SLC13A3: variants seen among roughly 807,000 people sequenced by gnomAD.
The protein encoded by SLC13A3 is Na(+)/dicarboxylate cotransporter 3.
SLC13A3 carries 40 observed loss-of-function variants against 59.0 expected under a neutral mutation model. The observed-to-expected ratio is 0.68, with a 90% CI of 0.53 to 0.88. SLC13A3 has a LOEUF of 0.88. Ranked by LOEUF, SLC13A3 falls within the 40% of genes least tolerant of loss-of-function variation. SLC13A3 has a pLI of 0.00. For missense variants in SLC13A3, 699 were observed against 783.2 expected, an observed-to-expected ratio of 0.89 and a Z score of 1.28; for synonymous variants, 317 against 330.3, an observed-to-expected ratio of 0.96 and a Z score of 0.44.
At chr20:46,593,338 T>C (rs936507184) in intron 5 of SLC13A3, among the ~76,000 whole-genome samples, 1 of 151,972 alleles carries the variant, frequency 6.6e-6, no homozygotes, top group Non-Finnish European at 1.5e-5. Flanking sequence ...CAACCAGAAA[T>C]GTGGTCAGGA....
intron 1 of SLC13A3, among the ~76,000 whole-genome samples, chr20:46,676,388 C>T (rs2063125561): frequency 6.7e-6 from 1 of 149,902 alleles, no homozygotes; most frequent in South Asian, 2.2e-4. Context: ...GCCCCTTCAC[C>T]AAGGGCAGCC....
intron 1 of SLC13A3, among the ~76,000 whole-genome samples, chr20:46,637,176 G>A (rs1296009636): frequency 6.6e-6 from 1 of 152,130 alleles, no homozygotes; most frequent in Non-Finnish European, 1.5e-5. Flanking sequence ...AGGCATCCTG[G>A]GAGGGGGCGC....
upstream of SLC13A3, among the ~76,000 whole-genome samples, chr20:46,656,056 TA>T (rs1306670905): frequency 7.0e-6 from 1 of 143,766 alleles, no homozygotes; most frequent in Non-Finnish European, 1.5e-5. Context: ...TATATACATA[TA>T]CTACAGTATA....
intron 9 of SLC13A3, among the ~76,000 whole-genome samples, chr20:46,582,289 T>A (rs2062146603): frequency 2.0e-5 from 3 of 151,860 alleles, no homozygotes; most frequent in African/African-American, 7.3e-5. Context: ...CCCAGCTATT[T>A]TTTTTATTTT....
In SLC13A3 at chr20:46,613,478, A is replaced by T; in HGVS notation, c.359T>A (p.Val120Asp). Reference sequence around the variant, plus strand: ...TTCTTACCTGGCCGGCTGGACTCCAACAAGCATCAGGATCTTGAGGGCGAT... The same window carrying T: ...TTCTTACCTGGCCGGCTGGACTCCATCAAGCATCAGGATCTTGAGGGCGAT... ...RRIALKILML[V>D]GVQPARLILG... The change falls in exon 2 of 13, where the codon GTT (valine) becomes GAT (aspartate). Residue 120 changes from valine (V) to aspartate (D), a missense_variant. Val to Asp is a radical substitution (Grantham distance 152). Coordinates refer to ENST00000279027, the MANE Select transcript of SLC13A3 (RefSeq NM_022829.6). The T allele has an allele frequency of 3.1e-6, 5 of 1,598,538 alleles. No individual in the cohort carries two copies. Among genetic ancestry groups the T allele is most frequent in the Non-Finnish European group, 4.3e-6 (5 of 1,170,814 alleles).
At chr20:46,659,805 TCTTC>T (rs1374827807) in intron 1 of SLC13A3, among the ~76,000 whole-genome samples, 7 of 150,778 alleles carry the variant, frequency 4.6e-5, no homozygotes, top group Non-Finnish European at 1.5e-5. Context: ...CACCCTCTTC[TCTTC>T]CTTTGTACTT....
intron 1 of SLC13A3, among the ~76,000 whole-genome samples, chr20:46,626,881 C>CTTTT (rs1568944147): frequency 1.3e-5 from 2 of 152,122 alleles, no homozygotes; most frequent in Non-Finnish European, 1.5e-5. Context: ...TCTGCCTGGC[C>CTTTT]CTCTTGACCC....
chr20:46,660,214 A>C (rs2063021166), intron 1 of SLC13A3, among the ~76,000 whole-genome samples: 1 of 152,222 alleles, frequency 6.6e-6, no homozygotes, highest in African/African-American at 2.4e-5. Context: ...CTGCAGATCC[A>C]GGATCATTTC....
In SLC13A3 at chr20:46,605,621, G is replaced by C. The variant is rs435420; in HGVS notation, c.541+4825C>G. 7.5e-3 allele frequency among the ~76,000 whole-genome samples: 1,135 copies of C among 152,282 alleles called. 19 individuals are homozygous for C. Among genetic ancestry groups the C allele is most frequent in the African/African-American group, 0.026 (1,090 of 41,554 alleles). On this transcript the variant is annotated intron_variant, in intron 3 of 12. Transcript: ENST00000279027. Reference sequence around the variant, plus strand: ...ACAACTGGGGAAACTGAGGCCTAGAGAGGTGGGCTAAATTGGGATCAAGAG... The same window carrying C: ...ACAACTGGGGAAACTGAGGCCTAGACAGGTGGGCTAAATTGGGATCAAGAG...
chr20:46,617,588 TTGTG>T (rs555026536), intron 1 of SLC13A3, among the ~76,000 whole-genome samples: 7 of 106,236 alleles, frequency 6.6e-5, no homozygotes, highest in East Asian at 3.8e-4. Context: ...TCTGAAAAAC[TTGTG>T]TGTGTGTGTG....
intron 1 of SLC13A3, among the ~76,000 whole-genome samples, chr20:46,636,794 CA>C (rs1250944781): frequency 1.5e-5 from 2 of 136,944 alleles, no homozygotes; most frequent in African/African-American, 5.8e-5. Context: ...CCACCCTTGA[CA>C]TTTTTTTTTT....
At chr20:46,633,822 T>C (rs1264565058) in intron 1 of SLC13A3, among the ~76,000 whole-genome samples, 1 of 152,230 alleles carries the variant, frequency 6.6e-6, no homozygotes, top group African/African-American at 2.4e-5. Context: ...AAAGCAACTA[T>C]CGATTGAGGG....
intron 9 of SLC13A3, 60 bp from the exon 10 acceptor site, chr20:46,575,745 C>A (rs916620680): frequency 9.5e-7 from 1 of 1,048,942 alleles, no homozygotes; most frequent in Non-Finnish European, 1.4e-6. Context: ...GCAGAGGCCA[C>A]CAGCCCTGAG....
chr20:46,619,741 C>T (rs976663615), intron 1 of SLC13A3, among the ~76,000 whole-genome samples: 18 of 152,190 alleles, frequency 1.2e-4, no homozygotes, highest in African/African-American at 4.1e-4. Context: ...TCTGCTTCTT[C>T]ATCTAGTGAA....
chr20:46,612,162 C>CT (rs1187988230), intron 2 of SLC13A3, among the ~76,000 whole-genome samples: 5 of 110,436 alleles, frequency 4.5e-5, no homozygotes, highest in Non-Finnish European at 6.8e-5. Context: ...CAGGGTCTCA[C>CT]TGTTACTGAG....
intron 3 of SLC13A3, chr20:46,608,703 TCA>T: frequency 1.4e-6 from 1 of 717,568 alleles, no homozygotes; most frequent in Non-Finnish European, 2.1e-6. Context: ...GGTACACGGA[TCA>T]ACATTTAAGT....
At chr20:46,635,506 T>C (rs78818568) in intron 1 of SLC13A3, among the ~76,000 whole-genome samples, 1 of 152,222 alleles carries the variant, frequency 6.6e-6, no homozygotes, top group East Asian at 1.9e-4. Flanking sequence ...CCTTTTGGTA[T>C]GTGTTCAATG....
intron 4 of SLC13A3, among the ~76,000 whole-genome samples, 164 bp from the exon 5 acceptor site, chr20:46,596,506 A>G (rs773521839): frequency 3.9e-5 from 6 of 152,196 alleles, no homozygotes; most frequent in Admixed American, 1.3e-4. Context: ...CTACTCTAAG[A>G]ATGTATCCTA....
In SLC13A3 at chr20:46,560,129, G is replaced by C. The variant is rs1183852145; in HGVS notation, c.1702C>G (p.Gln568Glu). ...LLSLAMNTWA[Q>E]TIFQLGTFPD... Reference sequence around the variant, plus strand: ...AAGGTGCCCAGCTGGAAGATGGTCTGTGCCCAGGTATTCATAGCCAAACTG... The same window carrying C: ...AAGGTGCCCAGCTGGAAGATGGTCTCTGCCCAGGTATTCATAGCCAAACTG... Residue 568 changes from glutamine to glutamate, a missense_variant, in exon 13 of 13, where the codon CAG becomes GAG. Physicochemically the swap from Gln to Glu is conservative, Grantham distance 29 (BLOSUM62 2). Transcript: ENST00000279027. The C allele has an allele frequency of 6.2e-7, 1 of 1,614,148 alleles. No homozygotes were observed. The highest frequency in any genetic ancestry group is 2.2e-5 in the East Asian group (1 of 44,894).
Sources: allele counts gnomAD v4.1 joint callset (sites outside exome capture counted in the v4.1 genomes callset), GRCh38; gene constraint gnomAD v4.1.1; transcripts MANE v1.5; gene names NCBI Gene and HGNC (gene_info 2026-07-23, HGNC 2026-07-21).